The following COL23A1 variants were observed in gnomAD, a reference collection of about 807,000 sequenced individuals.
COL23A1 encodes the protein collagen alpha-1(XXIII) chain.
In COL23A1, 97 loss-of-function variants were observed where a neutral mutation model predicts 99.3. The ratio of observed to expected loss-of-function variants is 0.98; its 90% CI spans 0.83 to 1.16. The LOEUF (loss-of-function observed/expected upper bound fraction) is 1.16, where lower values mean the gene tolerates loss of function less well. Among genes scored for constraint, COL23A1 ranks in the 50% most tolerant of loss-of-function variants. The pLI, the probability that COL23A1 is intolerant of heterozygous loss-of-function variation, is 0.00. For synonymous variants in COL23A1, 320 were observed against 308.2 expected (o/e 1.04, Z -0.40); for missense variants, 762 against 757.4 (o/e 1.01, Z -0.07).
intron 2 of COL23A1, among the ~76,000 whole-genome samples, chr5:178,389,140 C>T (rs73349063): frequency 6.6e-6 from 1 of 151,630 alleles, no homozygotes; most frequent in South Asian, 2.1e-4. Context: ...CTTTACATAA[C>T]CCAGCCTTGA....
intron 2 of COL23A1, among the ~76,000 whole-genome samples, chr5:178,311,475 T>A (rs770238660): frequency 4.1e-5 from 6 of 147,134 alleles, no homozygotes; most frequent in Non-Finnish European, 9.0e-5. Flanking sequence ...TGTAAGTGGG[T>A]TCTTTCCTCT....
chr5:178,529,732 C>G (rs1285603505), intron 2 of COL23A1, among the ~76,000 whole-genome samples: 2 of 152,126 alleles, frequency 1.3e-5, no homozygotes, highest in East Asian at 3.9e-4. Flanking sequence ...CTCTGTCTCC[C>G]CAGCGAAACT....
At chr5:178,339,274 G>C (rs1005363656) in intron 2 of COL23A1, among the ~76,000 whole-genome samples, 1 of 152,128 alleles carries the variant, frequency 6.6e-6, no homozygotes, top group Non-Finnish European at 1.5e-5. Flanking sequence ...GCAAAGCCAC[G>C]ACCACAGTTT....
chr5:178,576,713 C>T (rs1459374894), intron 1 of COL23A1, among the ~76,000 whole-genome samples: 1 of 152,130 alleles, frequency 6.6e-6, no homozygotes, highest in Non-Finnish European at 1.5e-5. Context: ...GCGGTCTCCT[C>T]CCCGGGCCCC....
At chr5:178,252,492 T>C in intron 17 of COL23A1, 52 bp downstream of exon 17, 1 of 1,526,268 alleles carries the variant, frequency 6.6e-7, no homozygotes, top group Non-Finnish European at 9.0e-7. Flanking sequence ...AAGAGGGAGG[T>C]GGGCCCTGGA....
Position 178,527,180 on chromosome 5 carries a change from GC to G in COL23A1, c.361+33501del, listed in dbSNP as rs112028899. The stretch of plus-strand genomic sequence containing the variant: ...GCTCAGGGAGGCAGCAAGGCGGGGG[GC>G]CCTCGGTGAGGAGAGTGGGGGACAG... On this transcript the variant is annotated intron_variant, in intron 2 of 28. Transcript: ENST00000390654. 3.0e-4 allele frequency among the ~76,000 whole-genome samples: 46 copies of G among 152,254 alleles called. No individual in the cohort carries two copies. The South Asian group carries it at 5.2e-3, about 17-fold the overall frequency.
chr5:178,493,394 A>G (rs1244078934), intron 2 of COL23A1, among the ~76,000 whole-genome samples: 7 of 152,068 alleles, frequency 4.6e-5, no homozygotes, highest in Non-Finnish European at 8.8e-5. Context: ...CCAATGTAGG[A>G]AACAGGTAGG....
At chr5:178,391,929 T>A (rs2973738) in intron 2 of COL23A1, among the ~76,000 whole-genome samples, 1 of 151,930 alleles carries the variant, frequency 6.6e-6, no homozygotes, top group South Asian at 2.1e-4. Flanking sequence ...GGGATGAACA[T>A]GCAGGAATCT....
Position 178,357,712 on chromosome 5 carries a change from G to T in COL23A1, c.362-50793C>A, listed in dbSNP as rs964236007. On this transcript the variant is annotated intron_variant, in intron 2 of 28. Coordinates refer to ENST00000390654, the MANE Select transcript of COL23A1 (RefSeq NM_173465.4). Reference sequence around the variant, plus strand: ...CTTAATGTCAGGTCAGATTTAAAATGTGTGTATGTGTGTGTGTGTGTGTGT... The same window carrying T: ...CTTAATGTCAGGTCAGATTTAAAATTTGTGTATGTGTGTGTGTGTGTGTGT... Among the ~76,000 whole-genome samples the T allele has an allele frequency of 1.1e-4, 11 of 102,018 alleles. No individual in the cohort carries two copies. The Middle Eastern group carries it at 0.018, about 167-fold the overall frequency. 66.9% of individuals were successfully genotyped at this position (102,018 alleles called of 152,430 possible). A position where few individuals can be genotyped will look rare whatever the true frequency, so the allele number is the denominator to read the frequency against.
chr5:178,358,489 G>C (rs918120579), intron 2 of COL23A1, among the ~76,000 whole-genome samples: 28 of 141,262 alleles, frequency 2.0e-4, no homozygotes, highest in Non-Finnish European at 2.9e-4. Flanking sequence ...GTATATATGT[G>C]TGTGTATGCG....
At chr5:178,580,630 T>C (rs1581677869) in intron 1 of COL23A1, among the ~76,000 whole-genome samples, 1 of 152,220 alleles carries the variant, frequency 6.6e-6, no homozygotes, top group East Asian at 1.9e-4. Flanking sequence ...GTGTGGCCTC[T>C]GGAGAATCTT....
At chr5:178,431,413 C>T (rs2127819263) in intron 2 of COL23A1, among the ~76,000 whole-genome samples, 1 of 152,310 alleles carries the variant, frequency 6.6e-6, no homozygotes, top group Non-Finnish European at 1.5e-5. Flanking sequence ...ATAGCCCTTC[C>T]CTAATCCCCA....
chr5:178,529,399 C>T (rs745779931), intron 2 of COL23A1, among the ~76,000 whole-genome samples: 13 of 152,128 alleles, frequency 8.5e-5, no homozygotes, highest in African/African-American at 1.2e-4. Context: ...CTGCACGTGG[C>T]GTGACCATCA....
At chr5:178,585,745 A>AATG (rs1371181299) in intron 1 of COL23A1, among the ~76,000 whole-genome samples, 69 of 5,452 alleles carry the variant, frequency 0.013, 7 homozygotes, top group South Asian at 0.029. Flanking sequence ...GCCCTGGCTG[A>AATG]CCCTGTTGGT....
intron 3 of COL23A1, among the ~76,000 whole-genome samples, chr5:178,291,240 C>T (rs929793051): frequency 2.6e-5 from 4 of 152,200 alleles, no homozygotes; most frequent in African/African-American, 9.6e-5. Context: ...CAGCACCCGG[C>T]AGTCAGCGGC....
intron 2 of COL23A1, among the ~76,000 whole-genome samples, chr5:178,364,966 A>G (rs1762382870): frequency 6.6e-6 from 1 of 152,112 alleles, no homozygotes; most frequent in African/African-American, 2.4e-5. Flanking sequence ...CGAGCTGCTC[A>G]CTCACAACCC....
intron 3 of COL23A1, among the ~76,000 whole-genome samples, chr5:178,292,683 G>A (rs1757525791): frequency 6.6e-6 from 1 of 152,204 alleles, no homozygotes; most frequent in South Asian, 2.1e-4. Context: ...GGCAGTGGAA[G>A]TGGTGGACGT....
At chr5:178,502,331 C>T (rs1370595199) in intron 2 of COL23A1, among the ~76,000 whole-genome samples, 1 of 152,152 alleles carries the variant, frequency 6.6e-6, no homozygotes, top group African/African-American at 2.4e-5. Flanking sequence ...CGGGGTTTCA[C>T]CATGTTAGCC....
At chr5:178,335,874 T>C (rs1002483843) in intron 2 of COL23A1, among the ~76,000 whole-genome samples, 2 of 152,240 alleles carry the variant, frequency 1.3e-5, no homozygotes, top group Non-Finnish European at 2.9e-5. Context: ...TCACTATATT[T>C]GAGCTACAAT....
Sources: allele counts gnomAD v4.1 joint callset (sites outside exome capture counted in the v4.1 genomes callset), GRCh38; gene constraint gnomAD v4.1.1; transcripts MANE v1.5; gene names NCBI Gene and HGNC (gene_info 2026-07-23, HGNC 2026-07-21).